Variants in MACROD2 observed in about 807,000 individuals in gnomAD.
MACROD2 encodes mono-ADP ribosylhydrolase 2.
In MACROD2, 36 loss-of-function variants were observed where a neutral mutation model predicts 70.4. The ratio of observed to expected loss-of-function variants is 0.51; its 90% CI spans 0.39 to 0.68. The LOEUF (loss-of-function observed/expected upper bound fraction) is 0.68. MACROD2 is among the 30% of genes least tolerant of loss of function. The pLI, the probability that MACROD2 is intolerant of heterozygous loss-of-function variation, is 0.00. For synonymous variants in MACROD2, 172 were observed against 178.8 expected (o/e 0.96, Z 0.30); for missense variants, 496 against 538.4 (o/e 0.92, Z 0.78).
chr20:14,459,866 C>G (rs548032615), intron 3 of MACROD2, among the ~76,000 whole-genome samples: 1 of 152,130 alleles, frequency 6.6e-6, no homozygotes, highest in Admixed American at 6.5e-5. Flanking sequence ...CTAATGCTAT[C>G]CCTCCCCTAG....
At chr20:15,515,811 A>G (rs1368915072) in intron 8 of MACROD2, among the ~76,000 whole-genome samples, 1 of 152,214 alleles carries the variant, frequency 6.6e-6, no homozygotes, top group Non-Finnish European at 1.5e-5. Context: ...GTGTGCAGAG[A>G]TTCAGCCAGA....
intron 9 of MACROD2, among the ~76,000 whole-genome samples, chr20:15,871,010 T>C (rs2064572994): frequency 6.6e-6 from 1 of 151,752 alleles, no homozygotes; most frequent in Non-Finnish European, 1.5e-5. Flanking sequence ...ACCCCGTCTC[T>C]ACTAAAAATA....
At chr20:15,201,538 C>T (rs898734945) in intron 5 of MACROD2, among the ~76,000 whole-genome samples, 3 of 152,184 alleles carry the variant, frequency 2.0e-5, no homozygotes, top group African/African-American at 7.2e-5. Flanking sequence ...ACATTCAACT[C>T]TAATTCATGA....
chr20:15,422,302 T>A (rs6074889), intron 6 of MACROD2, among the ~76,000 whole-genome samples: 3,394 of 152,216 alleles, frequency 0.022, 54 homozygotes, highest in Non-Finnish European at 0.034. Flanking sequence ...TCAAGGAGGG[T>A]GTTCTCAGCG....
At chr20:14,522,017 G>A (rs2085173764) in intron 4 of MACROD2, among the ~76,000 whole-genome samples, 1 of 152,076 alleles carries the variant, frequency 6.6e-6, no homozygotes, top group Non-Finnish European at 1.5e-5. Flanking sequence ...ATCTCTAGGG[G>A]GTTAATGAAG....
chr20:15,726,623 C>G (rs2050866452), intron 8 of MACROD2, among the ~76,000 whole-genome samples: 4 of 152,178 alleles, frequency 2.6e-5, no homozygotes, highest in Admixed American at 2.6e-4. Context: ...GATAGCCATT[C>G]TGACTGGTGT....
At chr20:14,498,307 A>C (rs1425251268) in intron 4 of MACROD2, among the ~76,000 whole-genome samples, 1 of 152,214 alleles carries the variant, frequency 6.6e-6, no homozygotes, top group East Asian at 1.9e-4. Flanking sequence ...AAAAGAAAAA[A>C]AGAAGAGTGA....
intron 5 of MACROD2, among the ~76,000 whole-genome samples, chr20:14,704,542 T>C (rs1218537307): frequency 1.3e-5 from 2 of 152,172 alleles, no homozygotes; most frequent in Non-Finnish European, 1.5e-5. Flanking sequence ...CTGAGATTCT[T>C]GTCTCAAGAT....
chr20:14,954,779 T>G (rs1297550545), intron 5 of MACROD2, among the ~76,000 whole-genome samples: 2 of 100,478 alleles, frequency 2.0e-5, no homozygotes, highest in African/African-American at 8.0e-5. Context: ...ATAACATAAA[T>G]TATAAATATA....
chr20:15,371,644 G>A (rs1373350685), intron 6 of MACROD2, among the ~76,000 whole-genome samples: 8 of 152,086 alleles, frequency 5.3e-5, no homozygotes, highest in Admixed American at 5.2e-4. Flanking sequence ...GTAAGAAAAT[G>A]CTACATATTT....
intron 8 of MACROD2, among the ~76,000 whole-genome samples, chr20:15,757,201 C>A (rs879318752): frequency 2.0e-5 from 3 of 152,134 alleles, no homozygotes; most frequent in Non-Finnish European, 2.9e-5. Context: ...CTTTGAAAAT[C>A]TGTATGCTTC....
chr20:14,437,217 C>T (rs562895315), intron 3 of MACROD2, among the ~76,000 whole-genome samples: 1 of 152,242 alleles, frequency 6.6e-6, no homozygotes, highest in East Asian at 1.9e-4. Context: ...CTGTTTCTCC[C>T]AAGCACCTTT....
intron 2 of MACROD2, among the ~76,000 whole-genome samples, chr20:14,017,399 C>T (rs2053009060): frequency 6.6e-6 from 1 of 152,026 alleles, no homozygotes; most frequent in African/African-American, 2.4e-5. Flanking sequence ...TATTTTGTTT[C>T]TGATCTTAAG....
intron 6 of MACROD2, among the ~76,000 whole-genome samples, chr20:15,237,967 A>G (rs1285745576): frequency 6.6e-6 from 1 of 152,192 alleles, no homozygotes; most frequent in Non-Finnish European, 1.5e-5. Context: ...TGCTAGAATG[A>G]TGAGAACTGG....
At chr20:14,942,902 C>T (rs140493630) in intron 5 of MACROD2, among the ~76,000 whole-genome samples, 71 of 152,268 alleles carry the variant, frequency 4.7e-4, no homozygotes, top group Middle Eastern at 3.4e-3. Context: ...TTTGCAAAGA[C>T]GGACAGCCAT....
At chr20:15,247,702 ATT>A (rs529924188) in intron 6 of MACROD2, among the ~76,000 whole-genome samples, 1 of 146,072 alleles carries the variant, frequency 6.8e-6, no homozygotes. Context: ...GCTTTGACAG[ATT>A]TTTTTTTTTT....
chr20:15,684,703 G>A (rs556850848), intron 8 of MACROD2, among the ~76,000 whole-genome samples: 2 of 152,136 alleles, frequency 1.3e-5, no homozygotes, highest in Non-Finnish European at 2.9e-5. Flanking sequence ...TTTCTTTTCC[G>A]TGTGGTAAGT....
At chr20:15,011,648 T>C (rs1004621210) in intron 5 of MACROD2, among the ~76,000 whole-genome samples, 2 of 152,104 alleles carry the variant, frequency 1.3e-5, no homozygotes, top group East Asian at 1.9e-4. Context: ...GTACCTGGTG[T>C]CTCCACTCTC....
chr20:15,413,562 A>T (rs1163818720), intron 6 of MACROD2, among the ~76,000 whole-genome samples: 1 of 152,128 alleles, frequency 6.6e-6, no homozygotes, highest in Non-Finnish European at 1.5e-5. Flanking sequence ...CAAGGGAGAA[A>T]AGTTATATGT....
Sources: gnomAD v4.1 joint callset for allele counts (sites outside exome capture counted in the v4.1 genomes callset) on GRCh38, gnomAD v4.1.1 for gene constraint, MANE v1.5 for transcripts, NCBI Gene and HGNC (gene_info 2026-07-23, HGNC 2026-07-21) for gene names.